The following RTN4RL1 variants were observed in gnomAD, a reference collection of about 807,000 sequenced individuals.
RTN4RL1 encodes reticulon-4 receptor-like 1.
Under a neutral mutation model 25.6 loss-of-function variants are expected in RTN4RL1, and 7 were observed. The observed-to-expected ratio is 0.27, with a 90% confidence interval of 0.16 to 0.51. RTN4RL1 has a LOEUF of 0.51. Ranked by LOEUF, RTN4RL1 falls within the 20% of genes least tolerant of loss-of-function variation. The pLI, the probability that RTN4RL1 is intolerant of heterozygous loss-of-function variation, is 0.97. For synonymous variants in RTN4RL1, 297 were observed against 288.2 expected, an observed-to-expected ratio of 1.03 and a Z score of -0.31; for missense variants, 500 against 615.6, an observed-to-expected ratio of 0.81 and a Z score of 1.99.
rs866035248 is a variant in RTN4RL1, at chr17:1,936,870, G to A, written c.952C>T (p.Leu318Phe). 6.3e-7 allele frequency: 1 copy of A among 1,597,580 alleles called. No individual in the cohort carries two copies. ...ASPHQIKSHT[L>F]TTTDRAARKE... ...CGGGCGGCCCTGTCGGTGGTGGTGA[G>A]CGTGTGTGACTTGATCTGGTGCGGG... The change falls in exon 2 of 2, where the codon CTC becomes TTC. Residue 318 changes from leucine (L) to phenylalanine (F), a missense_variant. Around this residue, in one of 2 missense-constraint regions of RTN4RL1, gnomAD observed 268 missense variants for 274.5 expected, o/e 0.98. Transcript: ENST00000331238.
chr17:1,958,050 C>T (rs1196389853), intron 1 of RTN4RL1, among the ~76,000 whole-genome samples: 2 of 151,454 alleles, frequency 1.3e-5, no homozygotes, highest in East Asian at 1.9e-4. Context: ...AAAATTAGCC[C>T]GGCATGTCAG....
chr17:1,984,118 A>G (rs1383370689), intron 1 of RTN4RL1, among the ~76,000 whole-genome samples: 7 of 152,230 alleles, frequency 4.6e-5, no homozygotes, highest in Non-Finnish European at 7.3e-5. Flanking sequence ...CACAGAGTCC[A>G]AAGAAATTCT....
chr17:2,010,916 A>T (rs1018433077), intron 1 of RTN4RL1, among the ~76,000 whole-genome samples: 2 of 152,102 alleles, frequency 1.3e-5, no homozygotes, highest in Non-Finnish European at 2.9e-5. Flanking sequence ...CTTCACCCTC[A>T]GTGCCAAACC....
intron 1 of RTN4RL1, among the ~76,000 whole-genome samples, chr17:1,996,853 C>T (rs1225892301): frequency 1.3e-5 from 2 of 152,242 alleles, no homozygotes; most frequent in Non-Finnish European, 2.9e-5. Flanking sequence ...CCACCCCAGC[C>T]TCTGCCCAGG....
At chr17:1,940,674 C>T (rs1205733972) in intron 1 of RTN4RL1, among the ~76,000 whole-genome samples, 1 of 152,122 alleles carries the variant, frequency 6.6e-6, no homozygotes, top group Non-Finnish European at 1.5e-5. Context: ...GGCCCCAACC[C>T]ACACCAGCTG....
At chr17:1,964,648 C>T (rs1262890170) in intron 1 of RTN4RL1, among the ~76,000 whole-genome samples, 5 of 151,770 alleles carry the variant, frequency 3.3e-5, no homozygotes, top group East Asian at 2.0e-4. Flanking sequence ...AGGAGAATGG[C>T]GTGAACCTGG....
chr17:2,001,847 T>C (rs1054581276), intron 1 of RTN4RL1, among the ~76,000 whole-genome samples: 2 of 148,648 alleles, frequency 1.3e-5, no homozygotes, highest in African/African-American at 4.9e-5. Context: ...GATTCTCCCC[T>C]GCTAAGGTCC....
In RTN4RL1 at chr17:1,936,982, G is replaced by C; in HGVS notation, c.840C>G (p.Val280=). Residue 280 remains valine, a synonymous_variant, in exon 2 of 2, where the codon GTC becomes GTG. Transcript: ENST00000331238. ...GCCGCAGCCCAGGGGACACACAGGG[G>C]ACAGCGGAGCTGGAGCCCCGGAACC... ...LQRFRGSSSA[V]PCVSPGLRHG... 6.2e-7 allele frequency: 1 copy of C among 1,606,124 alleles called. No individual in the cohort carries two copies. The highest frequency in any genetic ancestry group is 8.5e-7 in the Non-Finnish European group (1 of 1,178,488).
intron 1 of RTN4RL1, among the ~76,000 whole-genome samples, chr17:1,940,425 C>A (rs750902644): frequency 1.3e-5 from 2 of 152,172 alleles, no homozygotes; most frequent in Non-Finnish European, 2.9e-5. Flanking sequence ...GCTGTTTCCC[C>A]CTCCTACCTC....
intron 1 of RTN4RL1, among the ~76,000 whole-genome samples, chr17:1,978,139 G>C (rs1193356491): frequency 6.6e-6 from 1 of 152,210 alleles, no homozygotes; most frequent in Non-Finnish European, 1.5e-5. Flanking sequence ...TGGGGGTCAA[G>C]GTTGGGGCGG....
Position 1,970,060 on chromosome 17 carries a change from C to T in RTN4RL1, c.14-32252G>A, listed in dbSNP as rs187707850. Among the ~76,000 whole-genome samples, 243 of 145,606 alleles carry T rather than the reference C, an allele frequency of 1.7e-3. 2 individuals are homozygous for T. Among genetic ancestry groups the T allele is most frequent in the African/African-American group, 6.0e-3 (235 of 39,022 alleles). On this transcript the variant is annotated intron_variant, in intron 1 of 1. Transcript: ENST00000331238. ...TTTTTGAGATAGAGTTTCACTCTGT[C>T]GTCTAGGCTGGAGTGCAATGGCGCA...
At position 1,937,020 on chromosome 17, in the gene RTN4RL1, C is replaced by T; in HGVS notation, c.802G>A (p.Glu268Lys). ...DCGCRARSLW[E>K]WLQRFRGSSS... The stretch of plus-strand genomic sequence containing the variant: ...GAGCCCCGGAACCTCTGCAGCCATT[C>T]CCACAGGGAGCGCGCGCGACAACCA... The change falls in exon 2 of 2, where the codon GAA becomes AAA. Residue 268 changes from glutamate (E) to lysine (K), a missense_variant. This residue lies in a region of RTN4RL1 where 268 missense variants were observed against 274.5 expected (regional missense o/e 0.98). Coordinates refer to ENST00000331238, the MANE Select transcript of RTN4RL1 (RefSeq NM_178568.4). 2 of 1,605,128 alleles carry T rather than the reference C, an allele frequency of 1.2e-6. No homozygotes were observed. The highest frequency in any genetic ancestry group is 1.1e-5 in the South Asian group (1 of 90,306).
chr17:1,969,178 C>G (rs2066806765), intron 1 of RTN4RL1, among the ~76,000 whole-genome samples: 1 of 151,160 alleles, frequency 6.6e-6, no homozygotes, highest in Non-Finnish European at 1.5e-5. Context: ...CCTGCCTCAG[C>G]CTCCTGAGTA....
At chr17:2,006,577 C>G (rs950947773) in intron 1 of RTN4RL1, among the ~76,000 whole-genome samples, 5 of 152,058 alleles carry the variant, frequency 3.3e-5, no homozygotes, top group African/African-American at 1.2e-4. Context: ...CTCAGCCTCC[C>G]AAAGTGCTGG....
intron 1 of RTN4RL1, among the ~76,000 whole-genome samples, chr17:1,956,523 G>A (rs1359433763): frequency 2.0e-5 from 3 of 152,166 alleles, no homozygotes; most frequent in South Asian, 2.1e-4. Flanking sequence ...TAACAGAAGA[G>A]GGATGCGGTA....
intron 1 of RTN4RL1, among the ~76,000 whole-genome samples, chr17:2,002,508 G>A (rs1243659453): frequency 6.6e-6 from 1 of 150,678 alleles, no homozygotes; most frequent in East Asian, 1.9e-4. Context: ...TAGCCAGGAT[G>A]GTCTCAATCT....
chr17:2,014,976 T>C (rs1317485844), intron 1 of RTN4RL1, among the ~76,000 whole-genome samples: 1 of 151,650 alleles, frequency 6.6e-6, no homozygotes, highest in Admixed American at 6.6e-5. Flanking sequence ...CATTCCCTGA[T>C]GAAAAAGGGA....
rs1404022553 is a variant in RTN4RL1, at chr17:2,018,638, C to T, written c.13+6215G>A. ...ACAGAGGTCCAGAGGGCAAGGGAGA[C>T]GGTGGGCTTGACAGACAGAGCGGGG... On this transcript the variant is annotated intron_variant, in intron 1 of 1. Transcript: ENST00000331238. Among the ~76,000 whole-genome samples, 5 of 152,316 alleles carry T rather than the reference C, an allele frequency of 3.3e-5. No individual in the cohort carries two copies. In the East Asian group the frequency reaches 5.8e-4, roughly 18 times the overall value.
In RTN4RL1 at chr17:1,937,314, C is replaced by T. The variant is rs763822561; in HGVS notation, c.508G>A (p.Val170Met). 1.1e-5 allele frequency: 18 copies of T among 1,613,440 alleles called. No homozygotes were observed. Among genetic ancestry groups the T allele is most frequent in the Middle Eastern group, 1.6e-4 (1 of 6,062 alleles). ...HIEYLQDDIF[V>M]DLVNLSHLFL... ...AGGTGGCTGAGGTTGACCAGGTCCA[C>T]GAAGATGTCGTCCTGGAGGTACTCG... The change falls in exon 2 of 2, where the codon GTG (valine) becomes ATG (methionine). Residue 170 changes from valine to methionine, a missense_variant. This residue lies in a region of RTN4RL1 where 232 missense variants were observed against 341.1 expected (regional missense o/e 0.68). Coordinates refer to ENST00000331238, the MANE Select transcript of RTN4RL1 (RefSeq NM_178568.4).
Sources: gnomAD v4.1 joint callset for allele counts (sites outside exome capture counted in the v4.1 genomes callset) on GRCh38, gnomAD v4.1.1 for gene constraint, gnomAD v4.1.1 regional missense constraint, MANE v1.5 for transcripts, NCBI Gene and HGNC (gene_info 2026-07-23, HGNC 2026-07-21) for gene names.